SAMTOR: variants seen among roughly 807,000 people sequenced by gnomAD.
SAMTOR encodes the protein UPF0532 protein C7orf60.
chr7:112,897,850 A>G, the SAMTOR span, among the ~76,000 whole-genome samples: 1 of 152,214 alleles, frequency 6.6e-6, no homozygotes. Flanking sequence ...AAGCACCTTC[A>G]TAAGAACTAA....
chr7:112,902,007 C>T, the SAMTOR span, among the ~76,000 whole-genome samples: 27 of 152,204 alleles, frequency 1.8e-4, no homozygotes, highest in African/African-American at 5.8e-4. Context: ...ACCTTAAATG[C>T]TAATTACTAA....
At chr7:112,893,935 T>G in the SAMTOR span, among the ~76,000 whole-genome samples, 1 of 152,186 alleles carries the variant, frequency 6.6e-6, no homozygotes, top group Non-Finnish European at 1.5e-5. Context: ...AATAAATGAC[T>G]TTTCCTTTGA....
the SAMTOR span, among the ~76,000 whole-genome samples, chr7:112,837,529 G>A: frequency 0.011 from 1,636 of 152,054 alleles, 31 homozygotes; most frequent in African/African-American, 0.037. Context: ...TTTATCAAAT[G>A]CATTCTATAT....
the SAMTOR span, among the ~76,000 whole-genome samples, chr7:112,879,184 G>T: frequency 3.3e-5 from 5 of 149,538 alleles, no homozygotes; most frequent in Non-Finnish European, 5.9e-5. Context: ...AAACAGAGAG[G>T]TCTAGTGGGC....
the SAMTOR span, among the ~76,000 whole-genome samples, chr7:112,851,004 C>T: frequency 9.2e-5 from 14 of 152,080 alleles, no homozygotes; most frequent in Non-Finnish European, 1.9e-4. Context: ...TCTGGGAGTA[C>T]ATTTAACCAA....
At chr7:112,896,882 T>C in the SAMTOR span, among the ~76,000 whole-genome samples, 1 of 152,188 alleles carries the variant, frequency 6.6e-6, no homozygotes, top group Non-Finnish European at 1.5e-5. Context: ...GGAAACTTTC[T>C]AGGCAGAAAG....
chr7:112,874,989 A>C, the SAMTOR span, among the ~76,000 whole-genome samples: 1 of 152,172 alleles, frequency 6.6e-6, no homozygotes, highest in Non-Finnish European at 1.5e-5. Flanking sequence ...CTAAGTGCTA[A>C]GCGCTTAGAC....
the SAMTOR span, among the ~76,000 whole-genome samples, chr7:112,856,649 C>G: frequency 1.3e-3 from 197 of 152,184 alleles, no homozygotes; most frequent in Middle Eastern, 0.017. Flanking sequence ...ACAACTTTTG[C>G]AAATAACAGA....
chr7:112,882,486 C>T, the SAMTOR span, among the ~76,000 whole-genome samples: 1 of 152,042 alleles, frequency 6.6e-6, no homozygotes, highest in African/African-American at 2.4e-5. Flanking sequence ...GTCAGGAGAT[C>T]GAGATCATCC....
the SAMTOR span, among the ~76,000 whole-genome samples, chr7:112,909,080 G>A: frequency 1.3e-5 from 2 of 152,186 alleles, no homozygotes; most frequent in East Asian, 1.9e-4. Flanking sequence ...AAAGTTCACT[G>A]CCCATTTCTA....
chr7:112,902,790 G>C, the SAMTOR span, among the ~76,000 whole-genome samples: 1 of 152,034 alleles, frequency 6.6e-6, no homozygotes, highest in East Asian at 1.9e-4. Flanking sequence ...TGGGTTTCTG[G>C]TCAATTGTGT....
chr7:112,913,052 T>C, the SAMTOR span, among the ~76,000 whole-genome samples: 17 of 152,240 alleles, frequency 1.1e-4, no homozygotes, highest in African/African-American at 4.1e-4. Context: ...ACAGGGGAAC[T>C]ATTTGGTTCA....
chr7:112,849,138 G>C, the SAMTOR span, among the ~76,000 whole-genome samples: 1 of 151,274 alleles, frequency 6.6e-6, no homozygotes, highest in Non-Finnish European at 1.5e-5. Flanking sequence ...GATTTTAAAA[G>C]TATTTTAAAA....
chr7:112,939,842 C>T, the SAMTOR span: 3 of 1,027,072 alleles, frequency 2.9e-6, no homozygotes, highest in Non-Finnish European at 2.8e-6. Context: ...GCTGCGGAGG[C>T]AGCAGCCAGA....
At chr7:112,914,276 G>GCTT in the SAMTOR span, among the ~76,000 whole-genome samples, 1 of 131,004 alleles carries the variant, frequency 7.6e-6, no homozygotes, top group Non-Finnish European at 1.6e-5. Context: ...TTAGCCTCTA[G>GCTT]TTTTTTTTTT....
the SAMTOR span, among the ~76,000 whole-genome samples, chr7:112,924,852 TTAA>T: frequency 3.3e-5 from 5 of 152,270 alleles, no homozygotes; most frequent in Middle Eastern, 3.4e-3. Context: ...TGAATTCCTA[TTAA>T]TGTTTTTTTC....
the SAMTOR span, among the ~76,000 whole-genome samples, chr7:112,878,575 G>C: frequency 1.3e-5 from 2 of 152,020 alleles, no homozygotes; most frequent in African/African-American, 4.8e-5. Context: ...CTATATCTAA[G>C]GACAAACAGG....
the SAMTOR span, chr7:112,821,916 T>C: frequency 6.2e-7 from 1 of 1,613,040 alleles, no homozygotes; most frequent in Non-Finnish European, 8.5e-7. Flanking sequence ...ATATTCCTCA[T>C]CTTCTATACT....
chr7:112,829,272 T>A, the SAMTOR span, among the ~76,000 whole-genome samples: 1 of 152,190 alleles, frequency 6.6e-6, no homozygotes, highest in South Asian at 2.1e-4. Flanking sequence ...CATCTTCACA[T>A]CACACATTAT....
Sources: gnomAD v4.1 joint callset for allele counts (sites outside exome capture counted in the v4.1 genomes callset) on GRCh38, gnomAD v4.1.1 for gene constraint, MANE v1.5 for transcripts, NCBI Gene and HGNC (gene_info 2026-07-23, HGNC 2026-07-21) for gene names.